WDFY4: variants seen among roughly 807,000 people sequenced by gnomAD.
WDFY4 encodes WDFY family member 4.
Under a neutral mutation model 351.9 loss-of-function variants are expected in WDFY4, and 169 were observed. The observed-to-expected ratio is 0.48, with a 90% CI of 0.42 to 0.55. WDFY4 has a LOEUF of 0.55. Ranked by LOEUF, WDFY4 falls within the 20% of genes least tolerant of loss-of-function variation. The probability of loss-of-function intolerance (pLI) is 0.00; values close to 1 mark genes in which losing one functional copy is unlikely to be tolerated. For synonymous variants in WDFY4, 1,622 were observed against 1,574.6 expected, an observed-to-expected ratio of 1.03 and a Z score of -0.71; for missense variants, 3,803 against 3,935.6, an observed-to-expected ratio of 0.97 and a Z score of 0.90.
intron 45 of WDFY4, among the ~76,000 whole-genome samples, chr10:48,899,159 G>T (rs2133402520): frequency 6.6e-6 from 1 of 152,276 alleles, no homozygotes; most frequent in Admixed American, 6.5e-5. Context: ...TTTGAGCAAG[G>T]CCACCATTTG....
At position 48,694,143 on chromosome 10, in the gene WDFY4, A is replaced by G. The variant is rs561174630; in HGVS notation, c.-18+9142A>G. Among the ~76,000 whole-genome samples, 4 of 152,230 alleles carry G rather than the reference A, an allele frequency of 2.6e-5. No individual in the cohort carries two copies. The South Asian group carries it at 6.2e-4, about 24-fold the overall frequency. On this transcript the variant is annotated intron_variant, in intron 1 of 61. Coordinates refer to ENST00000325239, the MANE Select transcript of WDFY4 (RefSeq NM_001394531.1). ...CTGGAAATGTGTCAAAATCTTTCTT[A>G]CCTTAGCACGTGAGATATAAAGGAT...
intron 1 of WDFY4, among the ~76,000 whole-genome samples, chr10:48,705,771 G>T (rs933972887): frequency 5.3e-5 from 8 of 152,232 alleles, no homozygotes; most frequent in Admixed American, 1.3e-4. Flanking sequence ...CTTCAGAGGA[G>T]AGCTGGGCGG....
At chr10:48,705,945 G>A (rs79477563) in intron 1 of WDFY4, among the ~76,000 whole-genome samples, 617 of 152,360 alleles carry the variant, frequency 4.0e-3, no homozygotes, top group African/African-American at 0.014. Flanking sequence ...AAGCCTGCAG[G>A]TGTGGCCACA....
intron 34 of WDFY4, 151 bp downstream of exon 34, chr10:48,821,327 C>G (rs1589689437): frequency 1.1e-5 from 2 of 185,338 alleles, no homozygotes; most frequent in African/African-American, 2.4e-5. Flanking sequence ...CAAGAACTCC[C>G]TGGCTCCTGC....
rs200398332 is a variant in WDFY4, at chr10:48,957,144, G to A, written c.7993G>A (p.Val2665Met). 505 of 1,550,174 alleles carry A rather than the reference G, an allele frequency of 3.3e-4. 3 individuals carry two copies. Among genetic ancestry groups the A allele is most frequent in the Admixed American group, 9.8e-4 (50 of 50,966 alleles). Residue 2665 changes from valine to methionine, a missense_variant, in exon 52 of 62, where the codon GTG (valine) becomes ATG (methionine). Physicochemically the swap from Val to Met is conservative, Grantham distance 21. Transcript: ENST00000325239. Reference sequence around the variant, plus strand: ...TTTCCCCCAGGGCGGAAGCTTCGACGTGGCAGACAGAATGTTCCACAGTGT... The same window carrying A: ...TTTCCCCCAGGGCGGAAGCTTCGACATGGCAGACAGAATGTTCCACAGTGT... The part of the protein sequence containing the change: ...FCALQGGSFD[V>M]ADRMFHSVKS...
intron 40 of WDFY4, among the ~76,000 whole-genome samples, chr10:48,868,904 C>T (rs1366474631): frequency 6.6e-6 from 1 of 152,034 alleles, no homozygotes; most frequent in Non-Finnish European, 1.5e-5. Context: ...TCCCTCAAGC[C>T]CAGAAGGAAG....
chr10:48,764,504 T>C (rs959094981), intron 13 of WDFY4, among the ~76,000 whole-genome samples: 1 of 152,248 alleles, frequency 6.6e-6, no homozygotes, highest in East Asian at 1.9e-4. Context: ...TTAGCAGCCA[T>C]GAGTGTCTGT....
intron 24 of WDFY4, among the ~76,000 whole-genome samples, chr10:48,796,939 G>C (rs1259599055): frequency 6.6e-6 from 1 of 152,162 alleles, no homozygotes; most frequent in Non-Finnish European, 1.5e-5. Flanking sequence ...CATTCATGAA[G>C]CATCATTTAC....
intron 55 of WDFY4, chr10:48,966,962 A>C: frequency 2.5e-6 from 1 of 407,098 alleles, no homozygotes; most frequent in Non-Finnish European, 4.4e-6. Flanking sequence ...ACACACACAC[A>C]TCTCTCTTCC....
intron 46 of WDFY4, among the ~76,000 whole-genome samples, chr10:48,901,098 G>A (rs556990973): frequency 6.6e-6 from 1 of 152,190 alleles, no homozygotes; most frequent in African/African-American, 2.4e-5. Flanking sequence ...GGCACCCAGG[G>A]CCCACTACTG....
At chr10:48,783,992 A>G (rs2066311478) in intron 19 of WDFY4, among the ~76,000 whole-genome samples, 1 of 152,248 alleles carries the variant, frequency 6.6e-6, no homozygotes, top group South Asian at 2.1e-4. Flanking sequence ...ATACTTGGAA[A>G]TTCATCCAAA....
intron 47 of WDFY4, among the ~76,000 whole-genome samples, chr10:48,912,018 A>T (rs959134227): frequency 2.6e-5 from 4 of 152,190 alleles, no homozygotes; most frequent in Non-Finnish European, 4.4e-5. Flanking sequence ...CTCATCATCC[A>T]CTCAGCAAAC....
intron 12 of WDFY4, among the ~76,000 whole-genome samples, chr10:48,757,668 C>T (rs1308923268): frequency 2.0e-5 from 3 of 151,382 alleles, no homozygotes; most frequent in African/African-American, 4.9e-5. Flanking sequence ...TGTTCCTCTA[C>T]TTCTGTTTGC....
Position 48,807,930 on chromosome 10 carries a change from T to C in WDFY4, c.4810T>C (p.Ser1604Pro). 6.5e-7 allele frequency: 1 copy of C among 1,549,376 alleles called. No homozygotes were observed. The highest frequency in any genetic ancestry group is 8.7e-7 in the Non-Finnish European group (1 of 1,146,262). The change falls in exon 28 of 62, where the codon TCT (serine) becomes CCT (proline). Residue 1604 changes from serine (S) to proline (P), a missense_variant. Physicochemically the swap from Ser to Pro is moderately conservative, Grantham distance 74. This residue lies in a region of WDFY4 where 3,054 missense variants were observed against 3,148.6 expected (regional missense o/e 0.97). Coordinates refer to ENST00000325239, the MANE Select transcript of WDFY4 (RefSeq NM_001394531.1). ...GCTGGAGATGCTGCTCAGTGTAATA[T>C]CTTCCCCCCAGCTTCATCTGTCCTC... ...QLLEMLLSVI[S>P]SPQLHLSSES...
chr10:48,768,060 T>C (rs553912691), intron 13 of WDFY4, among the ~76,000 whole-genome samples: 1 of 152,214 alleles, frequency 6.6e-6, no homozygotes, highest in East Asian at 1.9e-4. Context: ...AGGATACTGA[T>C]TTGGATTAGC....
intron 39 of WDFY4, among the ~76,000 whole-genome samples, chr10:48,842,313 T>C (rs1209591798): frequency 1.3e-5 from 2 of 151,680 alleles, no homozygotes; most frequent in African/African-American, 4.9e-5. Flanking sequence ...AAGACAGGCA[T>C]CATCATTGCA....
At chr10:48,816,731 T>C (rs770304225) in intron 31 of WDFY4, among the ~76,000 whole-genome samples, 10 of 152,136 alleles carry the variant, frequency 6.6e-5, no homozygotes, top group Admixed American at 2.0e-4. Context: ...GAAGTAAAAA[T>C]ATAAGACCAA....
At chr10:48,889,377 G>A (rs753621936) in intron 43 of WDFY4, among the ~76,000 whole-genome samples, 1 of 152,170 alleles carries the variant, frequency 6.6e-6, no homozygotes, top group East Asian at 1.9e-4. Flanking sequence ...GGTCTTCAGG[G>A]CACCACTGTG....
intron 47 of WDFY4, chr10:48,910,206 G>A: frequency 7.1e-7 from 1 of 1,398,612 alleles, no homozygotes; most frequent in Non-Finnish European, 1.0e-6. Context: ...TCTGTTAGCT[G>A]AGTAGTCTTC....
Sources: gnomAD v4.1 joint callset for allele counts (sites outside exome capture counted in the v4.1 genomes callset) on GRCh38, gnomAD v4.1.1 for gene constraint, gnomAD v4.1.1 regional missense constraint, MANE v1.5 for transcripts, NCBI Gene and HGNC (gene_info 2026-07-23, HGNC 2026-07-21) for gene names.